The following SNAPC1 variants were observed in gnomAD, a reference collection of about 807,000 sequenced individuals.
SNAPC1 encodes small nuclear RNA activating complex polypeptide 1.
In SNAPC1, 42 loss-of-function variants were observed where a neutral mutation model predicts 50.1. That is an observed-to-expected ratio of 0.84 (90% CI 0.65 to 1.08). The LOEUF (loss-of-function observed/expected upper bound fraction) is 1.08, where lower values mean the gene tolerates loss of function less well. SNAPC1 is among the 50% of genes least tolerant of loss of function. The probability of loss-of-function intolerance (pLI) is 0.00; values close to 1 mark genes in which losing one functional copy is unlikely to be tolerated. For synonymous variants in SNAPC1, 164 were observed against 144.2 expected (o/e 1.14, Z -0.98); for missense variants, 477 against 427.3 (o/e 1.12, Z -1.02).
At chr14:61,771,223 A>G (rs2044988707) in intron 4 of SNAPC1, among the ~76,000 whole-genome samples, 1 of 151,706 alleles carries the variant, frequency 6.6e-6, no homozygotes, top group Non-Finnish European at 1.5e-5. Context: ...TTTTACTTCT[A>G]CAACATTTCT....
chr14:61,772,925 A>C (rs974201061), intron 4 of SNAPC1, among the ~76,000 whole-genome samples: 2 of 152,112 alleles, frequency 1.3e-5, no homozygotes, highest in African/African-American at 4.8e-5. Context: ...GCTCTGTCGG[A>C]TCTCTGGCTT....
chr14:61,792,821 A>G lies in SNAPC1; in HGVS notation c.991A>G (p.Ile331Val), dbSNP rs1175289942. The G allele has an allele frequency of 2.6e-6, 4 of 1,565,186 alleles. No homozygotes were observed. Among genetic ancestry groups the G allele is most frequent in the Non-Finnish European group, 3.5e-6 (4 of 1,146,004 alleles). Residue 331 changes from isoleucine (I) to valine (V), a missense_variant, in exon 9 of 10, where the codon ATA (isoleucine) becomes GTA (valine). Ile to Val is a conservative substitution (Grantham distance 29, BLOSUM62 3). Transcript: ENST00000216294. The part of the protein sequence containing the change: ...SLRNKGNVQN[I>V]HKEDKPLSLS... The stretch of plus-strand genomic sequence containing the variant: ...AATATTTCTAGGCAATGTGCAGAAT[A>G]TACACAAGGAAGATAAACCTTTAAG...
chr14:61,783,143 C>G (rs1423260654), intron 8 of SNAPC1, among the ~76,000 whole-genome samples: 1 of 151,242 alleles, frequency 6.6e-6, no homozygotes, highest in Non-Finnish European at 1.5e-5. Flanking sequence ...CTGCCTCAGC[C>G]TCCTGAGTAG....
At chr14:61,762,998 T>TC (rs2044918813) in intron 1 of SNAPC1, among the ~76,000 whole-genome samples, 1 of 136,410 alleles carries the variant, frequency 7.3e-6, no homozygotes, top group Non-Finnish European at 1.6e-5. Flanking sequence ...TTTTTTTTTT[T>TC]TTTTTTTTTT....
At chr14:61,787,316 C>T (rs1438386915) in intron 8 of SNAPC1, among the ~76,000 whole-genome samples, 4 of 150,608 alleles carry the variant, frequency 2.7e-5, no homozygotes, top group Admixed American at 6.6e-5. Flanking sequence ...TGGCCAAACA[C>T]GAACAAAAAG....
intron 4 of SNAPC1, among the ~76,000 whole-genome samples, chr14:61,770,680 A>G (rs552506899): frequency 1.3e-5 from 2 of 152,182 alleles, no homozygotes; most frequent in Admixed American, 6.5e-5. Flanking sequence ...TGGCCTGGAG[A>G]TGGTCCATGT....
chr14:61,776,119 T>C lies in SNAPC1; in HGVS notation c.559T>C (p.Tyr187His). ...LEEMLNVHDH[Y>H]QNMKHVISVD... ...GGAAATGCTGAATGTTCATGATCAT[T>C]ATCAGAACATGAAACATGTAATTTC... Residue 187 changes from tyrosine to histidine, a missense_variant, in exon 5 of 10, where the codon TAT becomes CAT. Tyr to His is a moderately conservative substitution (Grantham distance 83). Coordinates refer to ENST00000216294, the MANE Select transcript of SNAPC1 (RefSeq NM_003082.4). 6.2e-7 allele frequency: 1 copy of C among 1,600,614 alleles called. No individual in the cohort carries two copies. Among genetic ancestry groups the C allele is most frequent in the Non-Finnish European group, 8.5e-7 (1 of 1,177,054 alleles).
chr14:61,771,439 G>A (rs1213590824), intron 4 of SNAPC1, among the ~76,000 whole-genome samples: 3 of 152,090 alleles, frequency 2.0e-5, no homozygotes, highest in Admixed American at 6.5e-5. Flanking sequence ...TTAGAAATTT[G>A]TCATTCAACA....
At chr14:61,789,230 CAAAA>C (rs57065160) in intron 8 of SNAPC1, among the ~76,000 whole-genome samples, 2 of 104,864 alleles carry the variant, frequency 1.9e-5, no homozygotes, top group Non-Finnish European at 2.1e-5. Flanking sequence ...GACTCCATCT[CAAAA>C]AAAAAAAAAA....
In SNAPC1 at chr14:61,795,683, G is replaced by A. The variant is rs2045184137; in HGVS notation, c.*700G>A. 6.6e-6 allele frequency: 1 copy of A among 151,642 alleles called. No homozygotes were observed. The highest frequency in any genetic ancestry group is 2.4e-5 in the African/African-American group (1 of 41,246). 9.4% of individuals were successfully genotyped at this position (151,642 alleles called of 1,614,324 possible). A position where few individuals can be genotyped will look rare whatever the true frequency, so the allele number is the denominator to read the frequency against. On this transcript the variant is annotated 3_prime_UTR_variant, in exon 10 of 10. Coordinates refer to ENST00000216294, the MANE Select transcript of SNAPC1 (RefSeq NM_003082.4). Reference sequence around the variant, plus strand: ...ACAATAATAATGTAAATTTCAGAATGTGTCTCTGGTACAGAATAGTTGATA... The same window carrying A: ...ACAATAATAATGTAAATTTCAGAATATGTCTCTGGTACAGAATAGTTGATA...
rs747859489 is a variant in SNAPC1, at chr14:61,767,331, C to T, written c.408C>T (p.His136=). 2 of 1,480,682 alleles carry T rather than the reference C, an allele frequency of 1.4e-6. No individual in the cohort carries two copies. The highest frequency in any genetic ancestry group is 1.4e-5 in the South Asian group (1 of 69,868). The allele number at this position is 1,480,682 out of a possible 1,614,324, so 91.7% of individuals were successfully genotyped here. A position where few individuals can be genotyped will look rare whatever the true frequency, so the allele number is the denominator to read the frequency against. ...AGCTACGACTAGACAGAGCATTTCA[C>T]TTTACAGCAATGCCCAAATTGGTAT... is the stretch of plus-strand genomic sequence containing the variant. The part of the protein sequence containing the change: ...FRKLRLDRAF[H]FTAMPKLLSY... The change falls in exon 3 of 10, where the codon CAC becomes CAT. Residue 136 remains histidine, a synonymous_variant. Coordinates refer to ENST00000216294, the MANE Select transcript of SNAPC1 (RefSeq NM_003082.4).
Position 61,795,744 on chromosome 14 carries a change from A to G in SNAPC1, c.*761A>G, listed in dbSNP as rs2140189044. Reference sequence around the variant, plus strand: ...AAAAAAAATCTGTAGCTTCATGAATATGCCACTCTGTTAATTTCTTGTTCC... The same window carrying G: ...AAAAAAAATCTGTAGCTTCATGAATGTGCCACTCTGTTAATTTCTTGTTCC... On this transcript the variant is annotated 3_prime_UTR_variant, in exon 10 of 10. Transcript: ENST00000216294. 6.6e-6 allele frequency: 1 copy of G among 152,154 alleles called. No homozygotes were observed. Among genetic ancestry groups the G allele is most frequent in the African/African-American group, 2.4e-5 (1 of 41,532 alleles). The allele number at this position is 152,154 out of a possible 1,614,324, so 9.4% of individuals were successfully genotyped here. A position where few individuals can be genotyped will look rare whatever the true frequency, so the allele number is the denominator to read the frequency against.
chr14:61,783,989 C>T (rs1458334550), intron 8 of SNAPC1, among the ~76,000 whole-genome samples: 1 of 152,192 alleles, frequency 6.6e-6, no homozygotes, highest in African/African-American at 2.4e-5. Flanking sequence ...CTCTCAACTA[C>T]TGCAGGTATA....
intron 1 of SNAPC1, among the ~76,000 whole-genome samples, chr14:61,765,866 G>A (rs966340661): frequency 3.3e-5 from 5 of 152,178 alleles, no homozygotes; most frequent in Admixed American, 3.3e-4. Flanking sequence ...CTTCTGATGA[G>A]CTTGCAGTGC....
chr14:61,774,170 T>C (rs78903801), intron 4 of SNAPC1, among the ~76,000 whole-genome samples: 3 of 150,958 alleles, frequency 2.0e-5, no homozygotes, highest in Admixed American at 6.6e-5. Context: ...TTCTTCTTTT[T>C]TTTTTTTTTT....
intron 1 of SNAPC1, 84 bp downstream of exon 1, chr14:61,762,672 G>C (rs2044914892): frequency 2.0e-6 from 3 of 1,521,392 alleles, no homozygotes; most frequent in South Asian, 1.2e-5. Context: ...TATTGCACTT[G>C]TGAAGGGCTG....
rs2044954793 is a variant in SNAPC1 at position 61,767,220 on chromosome 14, T to G, written c.297T>G (p.Val99=). The G allele has an allele frequency of 6.8e-7, 1 of 1,477,896 alleles. No homozygotes were observed. Among genetic ancestry groups the G allele is most frequent in the Non-Finnish European group, 9.0e-7 (1 of 1,112,532 alleles). 91.5% of individuals were successfully genotyped at this position (1,477,896 alleles called of 1,614,324 possible). Residue 99 remains valine, a synonymous_variant, in exon 3 of 10, where the codon GTT becomes GTG. Coordinates refer to ENST00000216294, the MANE Select transcript of SNAPC1 (RefSeq NM_003082.4). ...QLCQPKQKIR[V]ALKDWDEVLK... ...TTTCTTCCTGGTTGCAGATCAGAGT[T>G]GCCCTGAAGGATTGGGATGAAGTTT...
In SNAPC1 at chr14:61,762,605, C is replaced by A; in HGVS notation, c.128+17C>A. The A allele has an allele frequency of 6.3e-7, 1 of 1,589,070 alleles. No individual in the cohort carries two copies. Among genetic ancestry groups the A allele is most frequent in the South Asian group, 1.2e-5 (1 of 85,536 alleles). On this transcript the variant is annotated intron_variant, in intron 1 of 9. Coordinates refer to ENST00000216294, the MANE Select transcript of SNAPC1 (RefSeq NM_003082.4). ...TATCTTCTGGTGGGTGTTTCTTGTCCACCACCCGCCTCTCCCTGCCCGCAG... is the reference window on the plus strand; with the variant it reads ...TATCTTCTGGTGGGTGTTTCTTGTCAACCACCCGCCTCTCCCTGCCCGCAG...
At chr14:61,792,946 T>C (rs935606525) in intron 9 of SNAPC1, 44 bp downstream of exon 9, 5 of 947,260 alleles carry the variant, frequency 5.3e-6, no homozygotes, top group African/African-American at 4.9e-5. Context: ...AACTAACTTA[T>C]ACTCGTAGAG....
Sources: gnomAD v4.1 joint callset for allele counts (sites outside exome capture counted in the v4.1 genomes callset) on GRCh38, gnomAD v4.1.1 for gene constraint, MANE v1.5 for transcripts, NCBI Gene and HGNC (gene_info 2026-07-23, HGNC 2026-07-21) for gene names.